The following PHF2 variants were observed in gnomAD, a reference collection of about 807,000 sequenced individuals.
The protein encoded by PHF2 is PHD finger protein 2, also known as lysine-specific demethylase PHF2.
PHF2 carries 27 observed loss-of-function variants against 120.5 expected under a neutral mutation model. The observed-to-expected ratio is 0.22, with a 90% confidence interval of 0.17 to 0.31. The LOEUF (loss-of-function observed/expected upper bound fraction) is 0.31, where lower values mean the gene tolerates loss of function less well. Ranked by LOEUF, PHF2 falls within the 10% of genes least tolerant of loss-of-function variation. The pLI is 1.00. For synonymous variants in PHF2, 568 were observed against 592.5 expected, an observed-to-expected ratio of 0.96 and a Z score of 0.60; for missense variants, 1,024 against 1,434.8, an observed-to-expected ratio of 0.71 and a Z score of 4.63.
chr9:93,626,053 A>T (rs1379676787), intron 1 of PHF2, among the ~76,000 whole-genome samples: 1 of 151,790 alleles, frequency 6.6e-6, no homozygotes, highest in African/African-American at 2.4e-5. Context: ...GACCAGCCTG[A>T]CCAACAAGGT....
At chr9:93,642,816 A>T (rs1422941973) in intron 3 of PHF2, among the ~76,000 whole-genome samples, 2 of 151,930 alleles carry the variant, frequency 1.3e-5, no homozygotes, top group African/African-American at 2.4e-5. Flanking sequence ...TCATTTAAAA[A>T]TTTTTCTTCA....
At chr9:93,673,987 T>G in intron 18 of PHF2, 125 bp downstream of exon 18, 1 of 1,086,914 alleles carries the variant, frequency 9.2e-7, no homozygotes, top group Non-Finnish European at 1.3e-6. Flanking sequence ...AGCAAAACCC[T>G]CGGCCTCTGA....
intron 17 of PHF2, chr9:93,671,111 G>A (rs1826776053): frequency 1.0e-6 from 1 of 972,392 alleles, no homozygotes; most frequent in Non-Finnish European, 1.2e-6. Flanking sequence ...CGCAGGTGGG[G>A]GTGCATGTGT....
chr9:93,676,122 T>C (rs549822980), intron 20 of PHF2, among the ~76,000 whole-genome samples: 1 of 152,204 alleles, frequency 6.6e-6, no homozygotes, highest in Admixed American at 6.5e-5. Context: ...TTTTGAGTTG[T>C]CCTCAGTTGG....
At chr9:93,613,279 C>G (rs1825667937) in intron 1 of PHF2, among the ~76,000 whole-genome samples, 1 of 152,206 alleles carries the variant, frequency 6.6e-6, no homozygotes, top group African/African-American at 2.4e-5. Context: ...AGCATAGACT[C>G]TGTGGCCGCA....
At chr9:93,654,221 T>C (rs1228343014) in intron 6 of PHF2, among the ~76,000 whole-genome samples, 192 bp from the exon 7 acceptor site, 1 of 152,224 alleles carries the variant, frequency 6.6e-6, no homozygotes, top group Non-Finnish European at 1.5e-5. Flanking sequence ...AGCTCTTAAC[T>C]GTGCAGAGGG....
At chr9:93,614,980 ATGG>A (rs769787814) in intron 1 of PHF2, among the ~76,000 whole-genome samples, 9 of 150,552 alleles carry the variant, frequency 6.0e-5, no homozygotes, top group Non-Finnish European at 1.3e-4. Context: ...GATGACGGTA[ATGG>A]TGATGATGAT....
intron 1 of PHF2, among the ~76,000 whole-genome samples, chr9:93,586,251 C>T (rs961372168): frequency 3.3e-5 from 5 of 152,220 alleles, no homozygotes; most frequent in African/African-American, 1.2e-4. Flanking sequence ...TGGCTGGAGT[C>T]AGCCAAACAT....
Position 93,656,996 on chromosome 9 carries a change from G to A in PHF2, c.1147+401G>A. Among the ~76,000 whole-genome samples, 1 of 152,056 alleles carries A rather than the reference G, an allele frequency of 6.6e-6. No homozygotes were observed. The highest frequency in any genetic ancestry group is 6.5e-5 in the Admixed American group (1 of 15,274). On this transcript the variant is annotated intron_variant, in intron 9 of 21. Transcript: ENST00000359246. This position sits in a 1 kb window ranked among gnomAD's most constrained non-coding sequence, Gnocchi z 4.1. Reference sequence around the variant, plus strand: ...CTGGGTCCCCTTAGGCTCCCTCAGGGGCCTGGCAACTGGACCGTGAGGCAG... The same window carrying A: ...CTGGGTCCCCTTAGGCTCCCTCAGGAGCCTGGCAACTGGACCGTGAGGCAG...
intron 19 of PHF2, 121 bp downstream of exon 19, chr9:93,675,143 G>A: frequency 1.3e-6 from 1 of 782,358 alleles, no homozygotes; most frequent in Non-Finnish European, 2.1e-6. Flanking sequence ...CTATCCTGAG[G>A]GCTGGGCAGC....
At chr9:93,612,535 CTGTT>C (rs1255606003) in intron 1 of PHF2, among the ~76,000 whole-genome samples, 18 of 152,220 alleles carry the variant, frequency 1.2e-4, no homozygotes, top group Admixed American at 1.2e-3. Context: ...TTTATATAAA[CTGTT>C]TACTTAAAGT....
intron 4 of PHF2, among the ~76,000 whole-genome samples, chr9:93,646,836 G>T (rs1313283420): frequency 6.6e-6 from 1 of 152,152 alleles, no homozygotes; most frequent in Non-Finnish European, 1.5e-5. Context: ...CAGACATCTC[G>T]GAAGAGGGGC....
In PHF2 at chr9:93,600,304, A is replaced by G. The variant is rs185334163; in HGVS notation, c.98+23433A>G. On this transcript the variant is annotated intron_variant, in intron 1 of 21. Coordinates refer to ENST00000359246, the MANE Select transcript of PHF2 (RefSeq NM_005392.4). The stretch of plus-strand genomic sequence containing the variant: ...GCTGGAGGCCCTGGTCCTAAGTGTT[A>G]GGCACCTCACATTTCTTCCAAGGGG... Among the ~76,000 whole-genome samples the G allele has an allele frequency of 5.3e-5, 8 of 152,032 alleles. No homozygotes were observed. The East Asian group carries it at 1.4e-3, about 26-fold the overall frequency.
intron 1 of PHF2, among the ~76,000 whole-genome samples, chr9:93,624,515 A>T (rs1160345669): frequency 6.7e-6 from 1 of 148,848 alleles, no homozygotes. Context: ...GACAACGGTG[A>T]TGGTGGTGGT....
intron 1 of PHF2, among the ~76,000 whole-genome samples, chr9:93,588,048 G>A (rs1384645360): frequency 6.6e-6 from 1 of 152,322 alleles, no homozygotes; most frequent in African/African-American, 2.4e-5. Context: ...AGGCCCCCAT[G>A]ACAGTGAGCT....
intron 12 of PHF2, among the ~76,000 whole-genome samples, chr9:93,662,570 G>GATA (rs1826593661): frequency 7.0e-6 from 1 of 143,246 alleles, no homozygotes; most frequent in Admixed American, 6.9e-5. Flanking sequence ...ATGGATGGAT[G>GATA]GATGAACAAA....
chr9:93,674,700 G>A (rs545727291), intron 18 of PHF2, among the ~76,000 whole-genome samples: 6 of 152,252 alleles, frequency 3.9e-5, no homozygotes, highest in Admixed American at 1.3e-4. Flanking sequence ...TTCTTGTCTG[G>A]AGAGTCCCTG....
intron 3 of PHF2, among the ~76,000 whole-genome samples, chr9:93,644,981 A>G (rs539606088): frequency 3.3e-5 from 5 of 152,084 alleles, no homozygotes; most frequent in African/African-American, 9.6e-5. Context: ...TTGTCACCGC[A>G]CATGCCATTC....
At chr9:93,596,140 G>T (rs916320819) in intron 1 of PHF2, among the ~76,000 whole-genome samples, 4 of 152,138 alleles carry the variant, frequency 2.6e-5, no homozygotes, top group African/African-American at 9.7e-5. Flanking sequence ...CGCATGGAGT[G>T]GGGGCTGTCC....
Sources: gnomAD v4.1 joint callset for allele counts (sites outside exome capture counted in the v4.1 genomes callset) on GRCh38, gnomAD v4.1.1 for gene constraint, Gnocchi (gnomAD v3.1) non-coding constraint, MANE v1.5 for transcripts, NCBI Gene and HGNC (gene_info 2026-07-23, HGNC 2026-07-21) for gene names.